Variants in BARX2 observed in about 807,000 individuals in gnomAD.
BARX2 encodes homeobox protein BarH-like 2.
A neutral mutation model predicts 25.5 loss-of-function variants in BARX2; 11 were observed. That is an observed-to-expected ratio of 0.43 (90% CI 0.27 to 0.71). BARX2 has a LOEUF of 0.71. BARX2 is among the 30% of genes least tolerant of loss of function. The pLI is 0.19. For synonymous variants in BARX2, 137 were observed against 149.5 expected (o/e 0.92, Z 0.61); for missense variants, 360 against 359.9 (o/e 1.00, Z 0.00).
intron 1 of BARX2, among the ~76,000 whole-genome samples, chr11:129,378,039 G>A (rs1356892908): frequency 2.0e-5 from 3 of 152,208 alleles, no homozygotes; most frequent in African/African-American, 7.2e-5. Flanking sequence ...TTCATATGTA[G>A]TTTTGTGAGT....
At chr11:129,442,193 C>A (rs1454377234) in intron 2 of BARX2, among the ~76,000 whole-genome samples, 4 of 152,016 alleles carry the variant, frequency 2.6e-5, no homozygotes, top group Non-Finnish European at 4.4e-5. Context: ...TTTTGAGCAC[C>A]GGTTCTGGAT....
intron 1 of BARX2, among the ~76,000 whole-genome samples, chr11:129,433,197 G>A (rs1862148125): frequency 6.6e-6 from 1 of 152,114 alleles, no homozygotes; most frequent in South Asian, 2.1e-4. Context: ...CCTTCCTCCA[G>A]TTGCTAAGAC....
At chr11:129,422,705 CTT>C (rs35370470) in intron 1 of BARX2, among the ~76,000 whole-genome samples, 110 of 136,670 alleles carry the variant, frequency 8.0e-4, no homozygotes, top group African/African-American at 7.1e-4. Context: ...ATTTTATTCT[CTT>C]TTTTTTTTTT....
chr11:129,407,167 A>G (rs1459759131), intron 1 of BARX2, among the ~76,000 whole-genome samples: 3 of 152,184 alleles, frequency 2.0e-5, no homozygotes, highest in African/African-American at 7.2e-5. Context: ...CAGAGCCTCC[A>G]TGGTGGTCTC....
At chr11:129,430,020 C>T (rs1228669597) in intron 1 of BARX2, among the ~76,000 whole-genome samples, 1 of 152,142 alleles carries the variant, frequency 6.6e-6, no homozygotes, top group Admixed American at 6.6e-5. Context: ...TCCCTGCCCC[C>T]CATACATTGT....
At chr11:129,400,013 G>A (rs1861760077) in intron 1 of BARX2, among the ~76,000 whole-genome samples, 1 of 152,096 alleles carries the variant, frequency 6.6e-6, no homozygotes, top group Admixed American at 6.5e-5. Context: ...CAGGATTCCA[G>A]GTGTGCATCA....
chr11:129,416,728 CT>C (rs1391725878), intron 1 of BARX2, among the ~76,000 whole-genome samples: 12 of 151,990 alleles, frequency 7.9e-5, no homozygotes, highest in Non-Finnish European at 1.5e-4. Context: ...GAACCTGACT[CT>C]CATAGCTTCA....
In BARX2 at chr11:129,381,343, C is replaced by G. The variant is rs1861561812; in HGVS notation, c.187+5121C>G. On this transcript the variant is annotated intron_variant, in intron 1 of 3. Transcript: ENST00000281437. ...AGGGTGTTTAAAAAATCCCTCTCAA[C>G]TACTTGTAGAACCATTGCTAAGCCC... is the stretch of plus-strand genomic sequence containing the variant. Among the ~76,000 whole-genome samples, 3 of 152,160 alleles carry G rather than the reference C, an allele frequency of 2.0e-5. No homozygotes were observed. In the South Asian group the frequency reaches 6.2e-4, roughly 32 times the overall value.
At chr11:129,446,133 C>G (rs1457828896) in intron 3 of BARX2, among the ~76,000 whole-genome samples, 1 of 152,152 alleles carries the variant, frequency 6.6e-6, no homozygotes, top group Non-Finnish European at 1.5e-5. Context: ...TGCGCACCCT[C>G]TATTCCATGT....
chr11:129,447,579 T>A (rs905951472), intron 3 of BARX2, among the ~76,000 whole-genome samples: 2 of 152,156 alleles, frequency 1.3e-5, no homozygotes, highest in African/African-American at 4.8e-5. Flanking sequence ...GGCCAGAGGT[T>A]GAGTGCAGAA....
chr11:129,392,437 A>C (rs1861675124), intron 1 of BARX2, among the ~76,000 whole-genome samples: 1 of 152,178 alleles, frequency 6.6e-6, no homozygotes, highest in Non-Finnish European at 1.5e-5. Flanking sequence ...GTAAAATTCC[A>C]CTTCCAAGAA....
chr11:129,378,809 G>A (rs6590382), intron 1 of BARX2, among the ~76,000 whole-genome samples: 115,267 of 149,080 alleles, frequency 0.77, 45,053 homozygotes, highest in Admixed American at 0.85. Flanking sequence ...TACAATAAGT[G>A]CATAAAATTG....
intron 1 of BARX2, among the ~76,000 whole-genome samples, chr11:129,383,720 G>A (rs1861591394): frequency 6.6e-6 from 1 of 152,154 alleles, no homozygotes; most frequent in Non-Finnish European, 1.5e-5. Context: ...AGCCAAGCTG[G>A]GAGGATCTCA....
At chr11:129,409,254 C>T (rs535679153) in intron 1 of BARX2, among the ~76,000 whole-genome samples, 1 of 152,302 alleles carries the variant, frequency 6.6e-6, no homozygotes, top group East Asian at 1.9e-4. Flanking sequence ...CCGTTCTCTG[C>T]CTTGTGTTTA....
chr11:129,426,004 C>CTTT (rs368509688), intron 1 of BARX2, among the ~76,000 whole-genome samples: 1 of 132,630 alleles, frequency 7.5e-6, no homozygotes. Flanking sequence ...GCCCTTCCTC[C>CTTT]TTTTTTTTTT....
rs74517220 is a variant in BARX2 at position 129,434,177 on chromosome 11, A to G, written c.188-2574A>G. ...ATGATTTTACATCATATTTTTCTCA[A>G]TAATATATTAGGTATTTTCTCGTAT... On this transcript the variant is annotated intron_variant, in intron 1 of 3. Coordinates refer to ENST00000281437, the MANE Select transcript of BARX2 (RefSeq NM_003658.5). Among the ~76,000 whole-genome samples, 1,082 of 152,120 alleles carry G rather than the reference A, an allele frequency of 7.1e-3. 4 individuals are homozygous for G. Among genetic ancestry groups the G allele is most frequent in the Non-Finnish European group, 0.011 (773 of 67,986 alleles).
In BARX2 at chr11:129,377,022, G is replaced by A. The variant is rs536937961; in HGVS notation, c.187+800G>A. ...TTGAATGCATTAAGAGAAGATCCAA[G>A]TTTCAAAGTATCTCGGCATTGTTAG... On this transcript the variant is annotated intron_variant, in intron 1 of 3. Coordinates refer to ENST00000281437, the MANE Select transcript of BARX2 (RefSeq NM_003658.5). 8.5e-5 allele frequency among the ~76,000 whole-genome samples: 13 copies of A among 152,288 alleles called. No homozygotes were observed. The South Asian group carries it at 2.7e-3, about 32-fold the overall frequency.
intron 1 of BARX2, among the ~76,000 whole-genome samples, chr11:129,387,312 C>CG (rs1861625647): frequency 6.6e-6 from 1 of 152,100 alleles, no homozygotes; most frequent in Non-Finnish European, 1.5e-5. Context: ...AGAAAAAATG[C>CG]GGAGGACTTC....
chr11:129,389,727 T>G lies in BARX2; in HGVS notation c.187+13505T>G, dbSNP rs199676465. Among the ~76,000 whole-genome samples the G allele has an allele frequency of 0.015, 458 of 31,240 alleles. 4 individuals are homozygous for G. In the South Asian group the frequency reaches 0.21, roughly 14 times the overall value. The allele number at this position is 31,240 out of a possible 152,430, so 20.5% of individuals were successfully genotyped here. On this transcript the variant is annotated intron_variant, in intron 1 of 3. Transcript: ENST00000281437. ...AGTTAGGGATAGTCTTTTTTTTTTT[T>G]GAAAAAAAATGAAACTATTCTTTTT... is the stretch of plus-strand genomic sequence containing the variant.
Sources: allele counts gnomAD v4.1 joint callset (sites outside exome capture counted in the v4.1 genomes callset), GRCh38; gene constraint gnomAD v4.1.1; transcripts MANE v1.5; gene names NCBI Gene and HGNC (gene_info 2026-07-23, HGNC 2026-07-21).